GRIN2B: variants seen among roughly 807,000 people sequenced by gnomAD.
The protein encoded by GRIN2B is glutamate receptor ionotropic, NMDA 2B.
Under a neutral mutation model 114.5 loss-of-function variants are expected in GRIN2B, and 5 were observed. The observed-to-expected ratio is 0.04, with a 90% CI of 0.02 to 0.09. The LOEUF (loss-of-function observed/expected upper bound fraction) is 0.09, where lower values mean the gene tolerates loss of function less well. GRIN2B is among the 10% of genes least tolerant of loss of function. The pLI is 1.00. For synonymous variants in GRIN2B, 787 were observed against 745.1 expected (o/e 1.06, Z -0.92); for missense variants, 1,108 against 1,943.5 (o/e 0.57, Z 8.08).
rs569310402 is a variant in GRIN2B at position 13,827,841 on chromosome 12, C to T, written c.411+37957G>A. ...GAACTACAGGCGCATGCCACCACTC[C>T]CGGCTAATTTTTGTATTTTTAGTAG... On this transcript the variant is annotated intron_variant, in intron 3 of 13. Transcript: ENST00000609686. Among the ~76,000 whole-genome samples, 5 of 152,276 alleles carry T rather than the reference C, an allele frequency of 3.3e-5. No homozygotes were observed. In the South Asian group the frequency reaches 6.2e-4, roughly 19 times the overall value.
chr12:13,780,626 C>A (rs1446687961), intron 3 of GRIN2B, among the ~76,000 whole-genome samples: 1 of 152,052 alleles, frequency 6.6e-6, no homozygotes, highest in Non-Finnish European at 1.5e-5. Flanking sequence ...AGAATCCAGT[C>A]TTATCAAGAG....
At chr12:13,660,069 G>C (rs531628485) in intron 5 of GRIN2B, among the ~76,000 whole-genome samples, 1 of 152,154 alleles carries the variant, frequency 6.6e-6, no homozygotes, top group African/African-American at 2.4e-5. Flanking sequence ...TGCTCACAGC[G>C]AGGTGGCTGG....
At chr12:13,913,902 T>C (rs1206484762) in intron 2 of GRIN2B, among the ~76,000 whole-genome samples, 1 of 152,112 alleles carries the variant, frequency 6.6e-6, no homozygotes, top group Non-Finnish European at 1.5e-5. Context: ...CCTCATAGAG[T>C]AGCTGAGAGG....
At chr12:13,622,451 C>A (rs1949527252) in intron 5 of GRIN2B, among the ~76,000 whole-genome samples, 1 of 152,082 alleles carries the variant, frequency 6.6e-6, no homozygotes, top group Non-Finnish European at 1.5e-5. Flanking sequence ...CCTCACTTCC[C>A]CACCCCCAAA....
At chr12:13,939,904 T>C (rs937919494) in intron 2 of GRIN2B, among the ~76,000 whole-genome samples, 11 of 152,096 alleles carry the variant, frequency 7.2e-5, no homozygotes, top group Non-Finnish European at 1.5e-5. Flanking sequence ...CCACAGAAAG[T>C]ACACAGAATA....
At chr12:13,828,278 T>C (rs1379537773) in intron 3 of GRIN2B, among the ~76,000 whole-genome samples, 1 of 152,228 alleles carries the variant, frequency 6.6e-6, no homozygotes, top group Non-Finnish European at 1.5e-5. Flanking sequence ...GAGATCTCTA[T>C]TAAGTCTCAA....
intron 4 of GRIN2B, among the ~76,000 whole-genome samples, chr12:13,678,094 C>G (rs191114084): frequency 4.4e-4 from 67 of 152,234 alleles, no homozygotes; most frequent in African/African-American, 1.4e-3. Context: ...CCCAGAGATT[C>G]ACTTTTTATC....
At chr12:13,647,511 G>A (rs1949771962) in intron 5 of GRIN2B, among the ~76,000 whole-genome samples, 1 of 151,980 alleles carries the variant, frequency 6.6e-6, no homozygotes, top group South Asian at 2.1e-4. Flanking sequence ...TATGACTTCT[G>A]GTGATTTTGA....
chr12:13,966,325 G>A (rs972007266), intron 2 of GRIN2B, among the ~76,000 whole-genome samples: 3 of 152,140 alleles, frequency 2.0e-5, no homozygotes, highest in Non-Finnish European at 4.4e-5. Flanking sequence ...GTTTGTCTTT[G>A]CCTCCGTTGT....
At chr12:13,817,755 C>T (rs1258279983) in intron 3 of GRIN2B, among the ~76,000 whole-genome samples, 1 of 152,112 alleles carries the variant, frequency 6.6e-6, no homozygotes. Context: ...CAAGTCAGGC[C>T]ATGGGTTTCC....
chr12:13,758,869 T>C lies in GRIN2B; in HGVS notation c.412-4954A>G, dbSNP rs1266990563. On this transcript the variant is annotated intron_variant, in intron 3 of 13. Coordinates refer to ENST00000609686, the MANE Select transcript of GRIN2B (RefSeq NM_000834.5). ...GTTTCTCAAGAGGATAAACTATACCTTGTTCATCTCTAGATCCCTAGCTGA... is the reference window on the plus strand; with the variant it reads ...GTTTCTCAAGAGGATAAACTATACCCTGTTCATCTCTAGATCCCTAGCTGA... Among the ~76,000 whole-genome samples the C allele has an allele frequency of 3.3e-5, 5 of 152,210 alleles. No homozygotes were observed. In the East Asian group the frequency reaches 9.6e-4, roughly 29 times the overall value.
At chr12:13,642,597 C>T (rs1054155952) in intron 5 of GRIN2B, among the ~76,000 whole-genome samples, 2 of 152,162 alleles carry the variant, frequency 1.3e-5, no homozygotes, top group Non-Finnish European at 2.9e-5. Flanking sequence ...CAACTTCAAA[C>T]ACATTTAAGA....
At position 13,613,938 on chromosome 12, in the gene GRIN2B, G is replaced by T. The variant is rs1591641811; in HGVS notation, c.1654+1176C>A. ...TGGCTCTGCCAGTTCAGAAGTTAAGGTAGTGCTATACTGACAAGGTTAGAA... is the reference window on the plus strand; with the variant it reads ...TGGCTCTGCCAGTTCAGAAGTTAAGTTAGTGCTATACTGACAAGGTTAGAA... On this transcript the variant is annotated intron_variant, in intron 8 of 13. Transcript: ENST00000609686. Among the ~76,000 whole-genome samples the T allele has an allele frequency of 2.1e-5, 3 of 143,874 alleles. No homozygotes were observed. In the South Asian group the frequency reaches 6.8e-4, roughly 33 times the overall value. 94.4% of individuals were successfully genotyped at this position (143,874 alleles called of 152,430 possible). A position where few individuals can be genotyped will look rare whatever the true frequency, so the allele number is the denominator to read the frequency against.
At chr12:13,852,692 GAA>G (rs56860420) in intron 3 of GRIN2B, among the ~76,000 whole-genome samples, 16 of 95,872 alleles carry the variant, frequency 1.7e-4, no homozygotes, top group African/African-American at 4.4e-4. Flanking sequence ...GAGAGATGAG[GAA>G]AAAAAAAAAA....
intron 4 of GRIN2B, among the ~76,000 whole-genome samples, chr12:13,737,187 A>T (rs908687742): frequency 1.3e-4 from 19 of 151,854 alleles, no homozygotes; most frequent in Admixed American, 2.6e-4. Context: ...TGGGGAAGAG[A>T]CTCCAGAAAG....
intron 10 of GRIN2B, among the ~76,000 whole-genome samples, chr12:13,605,411 A>G (rs1244785093): frequency 6.6e-6 from 1 of 152,146 alleles, no homozygotes; most frequent in Non-Finnish European, 1.5e-5. Context: ...TGGTTGAAAA[A>G]GATGAACAGT....
At chr12:13,761,257 T>C (rs949683269) in intron 3 of GRIN2B, among the ~76,000 whole-genome samples, 7 of 152,256 alleles carry the variant, frequency 4.6e-5, no homozygotes, top group African/African-American at 1.7e-4. Context: ...CAGAAGATAA[T>C]TGTCCTTTCT....
At chr12:13,738,400 T>C (rs1041167283) in intron 4 of GRIN2B, among the ~76,000 whole-genome samples, 123 of 152,204 alleles carry the variant, frequency 8.1e-4, no homozygotes, top group African/African-American at 2.9e-3. Context: ...TACAGAGGAA[T>C]TGAAATGCTG....
intron 3 of GRIN2B, among the ~76,000 whole-genome samples, chr12:13,807,012 T>A (rs997835483): frequency 2.0e-5 from 3 of 151,768 alleles, no homozygotes; most frequent in African/African-American, 7.3e-5. Flanking sequence ...AAAAAAAAAA[T>A]TACTCACAGT....
Sources: gnomAD v4.1 joint callset for allele counts (sites outside exome capture counted in the v4.1 genomes callset) on GRCh38, gnomAD v4.1.1 for gene constraint, MANE v1.5 for transcripts, NCBI Gene and HGNC (gene_info 2026-07-23, HGNC 2026-07-21) for gene names.